Variants in IDS observed in about 807,000 individuals in gnomAD.
The protein encoded by IDS is alpha-L-iduronate sulfate sulfatase.
In IDS, 1 loss-of-function variant was observed where a neutral mutation model predicts 33.5. That is an observed-to-expected ratio of 0.03 (90% CI 0.01 to 0.14). The LOEUF is 0.14. Among genes scored for constraint, IDS ranks in the 10% least tolerant of loss-of-function variants. IDS has a pLI of 1.00. For missense variants in IDS, 328 were observed against 448.0 expected (o/e 0.73, Z 2.42); for synonymous variants, 191 against 184.4 (o/e 1.04, Z -0.29).
intron 7 of IDS, among the ~76,000 whole-genome samples, chrX:149,488,985 C>T (rs1226467030): frequency 9.0e-6 from 1 of 110,825 alleles, no homozygotes; most frequent in Non-Finnish European, 1.9e-5. Flanking sequence ...CCCAGAACTG[C>T]GAGCTCCTGA....
At chrX:149,498,871 C>T (rs2089456963) in intron 4 of IDS, among the ~76,000 whole-genome samples, 1 of 112,586 alleles carries the variant, frequency 8.9e-6, no homozygotes, top group Admixed American at 9.4e-5. Context: ...GAAAGCCAGT[C>T]TGGCAATTCC....
chrX:149,487,112 A>G lies in IDS; in HGVS notation c.1007-14T>C. 8.3e-7 allele frequency: 1 copy of G among 1,211,555 alleles called. No homozygotes were observed. The highest frequency in any genetic ancestry group is 1.1e-6 in the Non-Finnish European group (1 of 895,256). Reference sequence around the variant, plus strand: ...CTAGAGCCCACCCTAGTTCATAAAAAGCACAGAATGACAGAAAATGAATAA... The same window carrying G: ...CTAGAGCCCACCCTAGTTCATAAAAGGCACAGAATGACAGAAAATGAATAA... On this transcript the variant is annotated splice_polypyrimidine_tract_variant and intron_variant, in intron 7 of 8. Transcript: ENST00000340855.
chrX:149,492,272 A>G (rs2089399728), intron 6 of IDS, among the ~76,000 whole-genome samples: 1 of 111,422 alleles, frequency 9.0e-6, no homozygotes, highest in African/African-American at 3.3e-5. Flanking sequence ...CACCACTCTG[A>G]CCGATCCCCC....
intron 6 of IDS, among the ~76,000 whole-genome samples, chrX:149,491,161 C>T (rs1471531426): frequency 2.7e-5 from 3 of 112,482 alleles, no homozygotes; most frequent in Non-Finnish European, 3.8e-5. Flanking sequence ...TGATCACTTG[C>T]TAACCCAACA....
Position 149,482,855 on chromosome X carries a change from G to T in IDS, c.1544C>A (p.Ser515Tyr). 1.7e-6 allele frequency: 2 copies of T among 1,212,027 alleles called. No individual in the cohort carries two copies. The highest frequency in any genetic ancestry group is 1.1e-6 in the Non-Finnish European group (1 of 895,563). Reference sequence around the variant, plus strand: ...ATACAGTTCCCCTGCATGGATGTCAGAAAAGTTAGCTAGAAATTCATCAGG... The same window carrying T: ...ATACAGTTCCCCTGCATGGATGTCATAAAAGTTAGCTAGAAATTCATCAGG... ...FNPDEFLANF[S>Y]DIHAGELYFV... Residue 515 changes from serine to tyrosine, a missense_variant, in exon 9 of 9, where the codon TCT becomes TAT. Physicochemically the swap from Ser to Tyr is moderately radical, Grantham distance 144. Coordinates refer to ENST00000340855, the MANE Select transcript of IDS (RefSeq NM_000202.8).
chrX:149,492,242 C>T (rs1014091067), intron 6 of IDS, among the ~76,000 whole-genome samples: 9 of 111,837 alleles, frequency 8.0e-5, no homozygotes, highest in African/African-American at 2.9e-4. Context: ...AGGTTTGCAT[C>T]CTTTCCCTAT....
intron 8 of IDS, among the ~76,000 whole-genome samples, chrX:149,484,589 G>T (rs930402687): frequency 8.9e-5 from 10 of 112,784 alleles, no homozygotes; most frequent in Admixed American, 2.8e-4. Flanking sequence ...CAAAGTGCTG[G>T]GATTACTGGC....
At chrX:149,483,968 A>G (rs1211367662) in intron 8 of IDS, among the ~76,000 whole-genome samples, 1 of 112,313 alleles carries the variant, frequency 8.9e-6, no homozygotes, top group African/African-American at 3.2e-5. Flanking sequence ...CTCATCCATG[A>G]TGTAGCATGT....
intron 8 of IDS, 38 bp from the exon 9 acceptor site, chrX:149,483,256 A>G: frequency 9.2e-7 from 1 of 1,091,867 alleles, no homozygotes; most frequent in Admixed American, 2.2e-5. Context: ...GGGTTACATT[A>G]TAAAAGCCTG....
At position 149,505,279 on chromosome X, in the gene IDS, A is replaced by G. The variant is rs2124070433; in HGVS notation, c.-142T>C. ...CAACACAGCCGCCGCCCGGGCCCGC[A>G]GGCCCGGGCGCTGGCCGCAGCGCGA... is the stretch of plus-strand genomic sequence containing the variant. On this transcript the variant is annotated 5_prime_UTR_variant, in exon 1 of 9. Coordinates refer to ENST00000340855, the MANE Select transcript of IDS (RefSeq NM_000202.8). The G allele has an allele frequency of 3.1e-6, 1 of 325,990 alleles. No individual in the cohort carries two copies. Among genetic ancestry groups the G allele is most frequent in the Non-Finnish European group, 5.3e-6 (1 of 190,134 alleles). The allele number at this position is 325,990 out of a possible 1,213,427, so 26.9% of individuals were successfully genotyped here. A position where few individuals can be genotyped will look rare whatever the true frequency, so the allele number is the denominator to read the frequency against.
intron 8 of IDS, among the ~76,000 whole-genome samples, 187 bp downstream of exon 8, chrX:149,486,738 C>T (rs2089338767): frequency 9.0e-6 from 1 of 111,382 alleles, no homozygotes; most frequent in African/African-American, 3.3e-5. Context: ...TCACTCTTTC[C>T]CCACCCAGAG....
chrX:149,485,921 G>A (rs889924935), intron 8 of IDS, among the ~76,000 whole-genome samples: 5 of 112,198 alleles, frequency 4.5e-5, no homozygotes, highest in Admixed American at 1.9e-4. Flanking sequence ...AGAAAGGCCC[G>A]AATGATGGTC....
At chrX:149,487,675 A>C (rs1172402063) in intron 7 of IDS, among the ~76,000 whole-genome samples, 1 of 112,437 alleles carries the variant, frequency 8.9e-6, no homozygotes, top group Admixed American at 9.4e-5. Flanking sequence ...CTCATTTCAG[A>C]TCCTTAACCT....
chrX:149,477,905 G>A lies in IDS; in HGVS notation c.*4841C>T, dbSNP rs1363914782. The A allele has an allele frequency of 8.9e-6, 1 of 112,108 alleles. No homozygotes were observed. Among genetic ancestry groups the A allele is most frequent in the Non-Finnish European group, 1.9e-5 (1 of 53,204 alleles). 9.2% of individuals were successfully genotyped at this position (112,108 alleles called of 1,213,427 possible). A position where few individuals can be genotyped will look rare whatever the true frequency, so the allele number is the denominator to read the frequency against. ...CCAGGGGACCACTGAGTGCAGTGGG[G>A]CTGATGGCAGGTTCCACCACAACGG... On this transcript the variant is annotated 3_prime_UTR_variant, in exon 9 of 9. Coordinates refer to ENST00000340855, the MANE Select transcript of IDS (RefSeq NM_000202.8).
intron 4 of IDS, among the ~76,000 whole-genome samples, chrX:149,500,724 G>C (rs895898419): frequency 8.9e-6 from 1 of 112,009 alleles, no homozygotes; most frequent in Non-Finnish European, 1.9e-5. Context: ...AGAGCCCAAG[G>C]TTTTAGAACA....
chrX:149,501,129 A>G, intron 3 of IDS, 92 bp from the exon 4 acceptor site: 1 of 579,219 alleles, frequency 1.7e-6, no homozygotes. Context: ...GGGCAAGTGG[A>G]ACCTCCCTTC....
intron 4 of IDS, among the ~76,000 whole-genome samples, chrX:149,500,342 C>T (rs868924658): frequency 8.9e-6 from 1 of 111,970 alleles, no homozygotes; most frequent in Non-Finnish European, 1.9e-5. Context: ...CAAATCCTCA[C>T]CCTTCCCAAC....
At chrX:149,500,840 C>T (rs1383123777) in intron 4 of IDS, 109 bp downstream of exon 4, 1 of 566,120 alleles carries the variant, frequency 1.8e-6, no homozygotes, top group Admixed American at 2.4e-5. Flanking sequence ...ATGAAACCCA[C>T]AACTTCGTGG....
Position 149,480,397 on chromosome X carries a change from T to C in IDS, c.*2349A>G, listed in dbSNP as rs2089289371. ...ACTTTGCTCACCTCCAGATAAGTCT[T>C]TGTGGGGCAAATGCAGGATAAAGAA... is the stretch of plus-strand genomic sequence containing the variant. On this transcript the variant is annotated 3_prime_UTR_variant, in exon 9 of 9. Transcript: ENST00000340855. 3.4e-6 allele frequency: 1 copy of C among 295,846 alleles called. No individual in the cohort carries two copies. The highest frequency in any genetic ancestry group is 5.9e-6 in the Non-Finnish European group (1 of 170,044). The allele number at this position is 295,846 out of a possible 1,213,427, so 24.4% of individuals were successfully genotyped here. A position where few individuals can be genotyped will look rare whatever the true frequency, so the allele number is the denominator to read the frequency against.
Sources: allele counts gnomAD v4.1 joint callset (sites outside exome capture counted in the v4.1 genomes callset), GRCh38; gene constraint gnomAD v4.1.1; transcripts MANE v1.5; gene names NCBI Gene and HGNC (gene_info 2026-07-23, HGNC 2026-07-21).